Variants in PRRC2C observed in about 807,000 individuals in gnomAD.
The protein encoded by PRRC2C is proline rich coiled-coil 2C.
PRRC2C carries 72 observed loss-of-function variants against 317.2 expected under a neutral mutation model. The ratio of observed to expected loss-of-function variants is 0.23; its 90% CI spans 0.19 to 0.28. PRRC2C has a LOEUF of 0.28. Ranked by LOEUF, PRRC2C falls within the 10% of genes least tolerant of loss-of-function variation. The pLI is 1.00. For synonymous variants in PRRC2C, 1,296 were observed against 1,205.9 expected (o/e 1.07, Z -1.55); for missense variants, 3,074 against 3,459.7 (o/e 0.89, Z 2.80).
In PRRC2C at chr1:171,540,187, C is replaced by T. The variant is rs1169950695; in HGVS notation, c.2721C>T (p.Ser907=). Residue 907 remains serine (S), a synonymous_variant, in exon 16 of 35, where the codon TCC becomes TCT. Coordinates refer to ENST00000647382, the MANE Select transcript of PRRC2C (RefSeq NM_001387844.1). ...CFEAPDQKTL[S]APQEERISAV... ...AAGCACCTGATCAAAAGACCTTATC[C>T]GCTCCTCAAGAGGAGCGGATTTCAG... The T allele has an allele frequency of 5.0e-6, 8 of 1,613,702 alleles. No homozygotes were observed. The highest frequency in any genetic ancestry group is 2.2e-5 in the East Asian group (1 of 44,878).
At chr1:171,500,748 T>G (rs1668951169) in intron 1 of PRRC2C, among the ~76,000 whole-genome samples, 1 of 152,214 alleles carries the variant, frequency 6.6e-6, no homozygotes, top group African/African-American at 2.4e-5. Flanking sequence ...CTTTTAGACC[T>G]TTTGGAAACA....
rs993504569 is a variant in PRRC2C, at chr1:171,517,638, T to A, written c.574T>A (p.Ser192Thr). The change falls in exon 6 of 35, where the codon TCA becomes ACA. Residue 192 changes from serine to threonine, a missense_variant. This residue lies in a region of PRRC2C where 237 missense variants were observed against 199.5 expected (regional missense o/e 1.19). Transcript: ENST00000647382. Reference sequence around the variant, plus strand: ...TGGTAAGGCTGCTGGCTCACCTTCGTCATCTGATCAAGATGAAAAGCTCCC... The same window carrying A: ...TGGTAAGGCTGCTGGCTCACCTTCGACATCTGATCAAGATGAAAAGCTCCC... ...DGGKAAGSPS[S>T]SDQDEKLPGQ... The A allele has an allele frequency of 1.9e-6, 3 of 1,612,850 alleles. No individual in the cohort carries two copies.
In PRRC2C at chr1:171,572,266, G is replaced by A. The variant is rs75396641; in HGVS notation, c.6753+845G>A. ...AGCCTCCCAAAGTATTGGAATTACAGGTGGGAACCACCACACCTGGCCAAG... is the reference window on the plus strand; with the variant it reads ...AGCCTCCCAAAGTATTGGAATTACAAGTGGGAACCACCACACCTGGCCAAG... On this transcript the variant is annotated intron_variant, in intron 24 of 34. Transcript: ENST00000647382. Among the ~76,000 whole-genome samples, 184 of 152,268 alleles carry A rather than the reference G, an allele frequency of 1.2e-3. 4 individuals are homozygous for A. The East Asian group carries it at 0.033, about 27-fold the overall frequency.
At chr1:171,518,661 C>CTTTTTTT (rs386368727) in intron 6 of PRRC2C, among the ~76,000 whole-genome samples, 8 of 58,134 alleles carry the variant, frequency 1.4e-4, no homozygotes, top group East Asian at 6.2e-4. Flanking sequence ...CCACACCTGG[C>CTTTTTTT]TTTTTTTTTT....
intron 6 of PRRC2C, among the ~76,000 whole-genome samples, chr1:171,520,797 C>CTTTTTTT (rs61220175): frequency 9.1e-6 from 1 of 109,326 alleles, no homozygotes; most frequent in Non-Finnish European, 1.8e-5. Flanking sequence ...ATTTCTTCTC[C>CTTTTTTT]TTTTTTTTTT....
intron 26 of PRRC2C, among the ~76,000 whole-genome samples, chr1:171,579,124 T>G (rs1416485401): frequency 3.9e-5 from 6 of 152,066 alleles, no homozygotes; most frequent in African/African-American, 1.4e-4. Flanking sequence ...GTATATAAAT[T>G]TTTTTTTCAT....
intron 23 of PRRC2C, among the ~76,000 whole-genome samples, chr1:171,568,573 TGCGTAG>T (rs1412174281): frequency 6.6e-6 from 1 of 152,240 alleles, no homozygotes; most frequent in Non-Finnish European, 1.5e-5. Flanking sequence ...AGGTTTGTGG[TGCGTAG>T]GCTTGGTTTC....
chr1:171,549,983 T>C, intron 17 of PRRC2C, 103 bp from the exon 18 acceptor site: 2 of 875,636 alleles, frequency 2.3e-6, no homozygotes, highest in Non-Finnish European at 3.1e-6. Flanking sequence ...ACTAGGCCTT[T>C]GGCTAGTTTT....
In PRRC2C at chr1:171,557,626, A is replaced by T. The variant is rs1446109907; in HGVS notation, c.5514A>T (p.Ser1838=). The T allele has an allele frequency of 1.9e-6, 3 of 1,551,586 alleles. No homozygotes were observed. The highest frequency in any genetic ancestry group is 2.4e-5 in the East Asian group (1 of 40,928). ...TAACCTCTTCTTCAGCTCCAGCCTC[A>T]GCCCCAGCTCCAACCCCCATCCTTG... ...AAITSSSAPA[S]APAPTPILAS... is the part of the protein sequence containing the mutation. Residue 1838 remains serine, a synonymous_variant, in exon 19 of 35, where the codon TCA becomes TCT. Coordinates refer to ENST00000647382, the MANE Select transcript of PRRC2C (RefSeq NM_001387844.1).
At chr1:171,505,208 A>G (rs904026960) in intron 1 of PRRC2C, among the ~76,000 whole-genome samples, 4 of 151,780 alleles carry the variant, frequency 2.6e-5, no homozygotes, top group Admixed American at 2.6e-4. Context: ...TTGTATTTTT[A>G]GTAGAGACAG....
At chr1:171,552,695 G>T (rs1199041294) in intron 18 of PRRC2C, among the ~76,000 whole-genome samples, 3 of 152,124 alleles carry the variant, frequency 2.0e-5, no homozygotes, top group Non-Finnish European at 4.4e-5. Flanking sequence ...TTTGTCGAAG[G>T]CCTTTTCTGC....
At position 171,587,097 on chromosome 1, in the gene PRRC2C, C is replaced by T. The variant is rs372560356; in HGVS notation, c.7844C>T (p.Pro2615Leu). 6.2e-6 allele frequency: 10 copies of T among 1,611,880 alleles called. No individual in the cohort carries two copies. The African/African-American group carries it at 1.3e-4, about 22-fold the overall frequency. Residue 2615 changes from proline (P) to leucine (L), a missense_variant, in exon 31 of 35, where the codon CCA becomes CTA. Pro to Leu is a moderately conservative substitution (Grantham distance 98). Around this residue, in one of 11 missense-constraint regions of PRRC2C, gnomAD observed 490 missense variants for 663.1 expected, o/e 0.74. Coordinates refer to ENST00000647382, the MANE Select transcript of PRRC2C (RefSeq NM_001387844.1). ...LIALPQTLQPPLQHTTPQAQA... is the reference protein window; with the variant it reads ...LIALPQTLQPLLQHTTPQAQA... ...GCTTTGCCTCAGACTCTTCAGCCCCCATTACAGCATACCACTCCCCAAGCA... is the reference window on the plus strand; with the variant it reads ...GCTTTGCCTCAGACTCTTCAGCCCCTATTACAGCATACCACTCCCCAAGCA...
In PRRC2C at chr1:171,492,412, T is replaced by C. The variant is rs114232526; in HGVS notation, c.-58+6677T>C. Among the ~76,000 whole-genome samples the C allele has an allele frequency of 2.3e-3, 353 of 151,458 alleles. 3 individuals are homozygous for C. The highest frequency in any genetic ancestry group is 8.2e-3 in the African/African-American group (337 of 41,264). ...AAGTAGGAGAAAGAAAAAGAAGGAG[T>C]TGGGTGTTGTGGCATGTGCCTGTGG... On this transcript the variant is annotated intron_variant, in intron 1 of 34. Transcript: ENST00000647382.
intron 34 of PRRC2C, chr1:171,591,097 A>G: frequency 1.2e-6 from 1 of 858,458 alleles, no homozygotes; most frequent in South Asian, 5.4e-5. Flanking sequence ...AGCTATCAGA[A>G]CTTAGTGATC....
At chr1:171,558,386 T>A (rs235483) in intron 19 of PRRC2C, among the ~76,000 whole-genome samples, 123,126 of 151,698 alleles carry the variant, frequency 0.81, 50,050 homozygotes, top group Middle Eastern at 0.9. Flanking sequence ...TTTGGGGGGG[T>A]CTTGTACATG....
chr1:171,524,741 A>T lies in PRRC2C; in HGVS notation c.1056-80A>T, dbSNP rs1674253277. ...CCCCCCCAGAAACCATACAGAAATA[A>T]TTTTTTTAATTGCAAAAATAATGTG... On this transcript the variant is annotated intron_variant, in intron 9 of 34. Coordinates refer to ENST00000647382, the MANE Select transcript of PRRC2C (RefSeq NM_001387844.1). The T allele has an allele frequency of 2.9e-6, 4 of 1,377,314 alleles. No homozygotes were observed. In the South Asian group the frequency reaches 6.4e-5, roughly 22 times the overall value. The allele number at this position is 1,377,314 out of a possible 1,614,324, so 85.3% of individuals were successfully genotyped here.
At chr1:171,555,307 C>T (rs1395547299) in intron 18 of PRRC2C, among the ~76,000 whole-genome samples, 1 of 152,212 alleles carries the variant, frequency 6.6e-6, no homozygotes, top group African/African-American at 2.4e-5. Context: ...TGGTTTTCAG[C>T]TCCATCAGGT....
chr1:171,589,341 T>G, intron 33 of PRRC2C, 28 bp from the exon 34 acceptor site: 8 of 832,510 alleles, frequency 9.6e-6, no homozygotes, highest in Non-Finnish European at 1.2e-5. Flanking sequence ...AACAGTTCAA[T>G]GTTGTATGTT....
intron 28 of PRRC2C, among the ~76,000 whole-genome samples, chr1:171,581,009 T>C (rs956512082): frequency 2.6e-5 from 4 of 152,226 alleles, no homozygotes; most frequent in African/African-American, 9.6e-5. Context: ...AATGAAACTT[T>C]CTTAACAGAG....
Sources: gnomAD v4.1 joint callset for allele counts (sites outside exome capture counted in the v4.1 genomes callset) on GRCh38, gnomAD v4.1.1 for gene constraint, gnomAD v4.1.1 regional missense constraint, MANE v1.5 for transcripts, NCBI Gene and HGNC (gene_info 2026-07-23, HGNC 2026-07-21) for gene names.